KIAA0586: variants seen among roughly 807,000 people sequenced by gnomAD.
The protein encoded by KIAA0586 is protein TALPID3.
A neutral mutation model predicts 169.8 loss-of-function variants in KIAA0586; 144 were observed. The observed-to-expected ratio is 0.85, with a 90% confidence interval of 0.74 to 0.97. KIAA0586 has a LOEUF of 0.97. Ranked by LOEUF, KIAA0586 falls within the 50% of genes least tolerant of loss-of-function variation. The pLI is 0.00. For synonymous variants in KIAA0586, 625 were observed against 612.4 expected, an observed-to-expected ratio of 1.02 and a Z score of -0.30; for missense variants, 1,854 against 1,823.0, an observed-to-expected ratio of 1.02 and a Z score of -0.31.
chr14:58,427,748 C>G lies in KIAA0586; in HGVS notation c.-517C>G, dbSNP rs773011714. On this transcript the variant is annotated 5_prime_UTR_variant, in exon 1 of 31. Transcript: ENST00000652326. ...TTGTCAGATTACACCCACGACGGTG[C>G]GGGTCTCGGGCGTTCTGGAGATACG... is the stretch of plus-strand genomic sequence containing the variant. 1 of 1,532,170 alleles carries G rather than the reference C, an allele frequency of 6.5e-7. No homozygotes were observed. Among genetic ancestry groups the G allele is most frequent in the South Asian group, 1.2e-5 (1 of 83,728 alleles). 94.9% of individuals were successfully genotyped at this position (1,532,170 alleles called of 1,614,324 possible). A position where few individuals can be genotyped will look rare whatever the true frequency, so the allele number is the denominator to read the frequency against.
chr14:58,534,783 T>C (rs2046183245), intron 29 of KIAA0586, among the ~76,000 whole-genome samples: 1 of 152,246 alleles, frequency 6.6e-6, no homozygotes, highest in South Asian at 2.1e-4. Context: ...ATTTTATCAT[T>C]GGAAAAAAGT....
chr14:58,435,923 G>C (rs980629791), intron 4 of KIAA0586, among the ~76,000 whole-genome samples: 9 of 151,994 alleles, frequency 5.9e-5, no homozygotes, highest in African/African-American at 2.2e-4. Context: ...TAGCCAGGCT[G>C]GTCTCAAACT....
intron 4 of KIAA0586, among the ~76,000 whole-genome samples, chr14:58,435,326 C>A (rs1595079166): frequency 6.6e-6 from 1 of 152,118 alleles, no homozygotes; most frequent in South Asian, 2.1e-4. Context: ...ATGCCCATAT[C>A]TTCTTAATTT....
intron 29 of KIAA0586, among the ~76,000 whole-genome samples, chr14:58,533,074 C>T (rs2046081319): frequency 6.6e-6 from 1 of 152,186 alleles, no homozygotes. Context: ...ACTGTACCAC[C>T]TAATGGAGTC....
intron 4 of KIAA0586, chr14:58,440,293 T>A: frequency 2.6e-6 from 1 of 378,042 alleles, no homozygotes; most frequent in Non-Finnish European, 5.2e-6. Flanking sequence ...CTTCTTTCTC[T>A]CTCTCTCTCT....
At chr14:58,526,694 T>G (rs1333112986) in intron 29 of KIAA0586, among the ~76,000 whole-genome samples, 1 of 152,116 alleles carries the variant, frequency 6.6e-6, no homozygotes, top group African/African-American at 2.4e-5. Flanking sequence ...CAAAACTGGA[T>G]GGAGAATGAA....
chr14:58,537,792 T>C (rs574562776), intron 29 of KIAA0586, among the ~76,000 whole-genome samples: 625 of 151,860 alleles, frequency 4.1e-3, no homozygotes, highest in Middle Eastern at 0.01. Flanking sequence ...GGACTACAGG[T>C]GCCTGCCACC....
intron 4 of KIAA0586, chr14:58,440,256 C>CT (rs979465287): frequency 2.4e-6 from 1 of 424,598 alleles, no homozygotes; most frequent in African/African-American, 2.1e-5. Context: ...TTCTGTCTTG[C>CT]TTTGCTCTGC....
chr14:58,434,235 G>A (rs1334046441), intron 4 of KIAA0586, among the ~76,000 whole-genome samples: 1 of 152,086 alleles, frequency 6.6e-6, no homozygotes, highest in Non-Finnish European at 1.5e-5. Context: ...AGACTTAGAA[G>A]GTATTAAGAA....
intron 28 of KIAA0586, among the ~76,000 whole-genome samples, chr14:58,511,347 T>A (rs2044369638): frequency 6.6e-6 from 1 of 152,212 alleles, no homozygotes; most frequent in Non-Finnish European, 1.5e-5. Context: ...GTATTTTAAC[T>A]TATTTAATCA....
At chr14:58,476,877 T>C (rs1457945566) in intron 19 of KIAA0586, among the ~76,000 whole-genome samples, 1 of 152,106 alleles carries the variant, frequency 6.6e-6, no homozygotes, top group Non-Finnish European at 1.5e-5. Context: ...CAGAATGGTC[T>C]TGAACTCCTG....
intron 4 of KIAA0586, among the ~76,000 whole-genome samples, chr14:58,433,922 C>G (rs910742676): frequency 6.6e-6 from 1 of 152,010 alleles, no homozygotes; most frequent in Non-Finnish European, 1.5e-5. Context: ...TCACTTGGGC[C>G]TAGGAGTTTG....
intron 27 of KIAA0586, among the ~76,000 whole-genome samples, chr14:58,504,003 T>C (rs2043763258): frequency 6.6e-6 from 1 of 152,190 alleles, no homozygotes. Flanking sequence ...TACTTTTTAC[T>C]TTATACTTAT....
At position 58,450,565 on chromosome 14, in the gene KIAA0586, A is replaced by AT. The variant is rs1431902070; in HGVS notation, c.962-10dup. On this transcript the variant is annotated splice_polypyrimidine_tract_variant and intron_variant, in intron 7 of 30. Transcript: ENST00000652326. ...TAAAAGCAAGTTAAGTTTTTAAAAAATTTTCTGTTAAAGCACCTTTAAAAG... is the reference window on the plus strand; with the variant it reads ...TAAAAGCAAGTTAAGTTTTTAAAAAATTTTTCTGTTAAAGCACCTTTAAAAG... 3.6e-5 allele frequency: 56 copies of AT among 1,556,078 alleles called. No homozygotes were observed. In the Middle Eastern group the frequency reaches 5.1e-4, roughly 14 times the overall value.
intron 20 of KIAA0586, among the ~76,000 whole-genome samples, chr14:58,480,333 A>T: frequency 8.3e-6 from 1 of 119,890 alleles, no homozygotes. Flanking sequence ...CATTCTGTTA[A>T]TTCTTCCTCT....
At chr14:58,475,313 G>A (rs903396273) in intron 19 of KIAA0586, among the ~76,000 whole-genome samples, 2 of 152,098 alleles carry the variant, frequency 1.3e-5, no homozygotes, top group East Asian at 1.9e-4. Context: ...TAGGTTGCAC[G>A]CTCCCTATGA....
intron 29 of KIAA0586, among the ~76,000 whole-genome samples, chr14:58,526,842 C>T (rs542273934): frequency 6.6e-6 from 1 of 152,112 alleles, no homozygotes; most frequent in Admixed American, 6.5e-5. Context: ...TGTAATTTCC[C>T]TTTGCTTACT....
chr14:58,469,036 G>T (rs1231825777), intron 16 of KIAA0586, among the ~76,000 whole-genome samples: 1 of 152,090 alleles, frequency 6.6e-6, no homozygotes, highest in Non-Finnish European at 1.5e-5. Flanking sequence ...TCTTAGTACT[G>T]ATTTTTGACT....
chr14:58,472,343 A>G (rs912467145), intron 18 of KIAA0586, 64 bp downstream of exon 18: 5 of 833,608 alleles, frequency 6.0e-6, no homozygotes, highest in Non-Finnish European at 9.2e-6. Context: ...GTTGTTGACT[A>G]TCTTTGGACT....
Sources: allele counts gnomAD v4.1 joint callset (sites outside exome capture counted in the v4.1 genomes callset), GRCh38; gene constraint gnomAD v4.1.1; transcripts MANE v1.5; gene names NCBI Gene and HGNC (gene_info 2026-07-23, HGNC 2026-07-21).